Variants in ILRUN observed in about 807,000 individuals in gnomAD.
The protein encoded by ILRUN is inflammation and lipid regulator with UBA-like and NBR1-like domains, also known as protein ILRUN.
Under a neutral mutation model 33.8 loss-of-function variants are expected in ILRUN, and 3 were observed. The ratio of observed to expected loss-of-function variants is 0.09; its 90% confidence interval spans 0.04 to 0.23. The LOEUF is 0.23. ILRUN is among the 10% of genes least tolerant of loss of function. The probability of loss-of-function intolerance (pLI) is 1.00; values close to 1 mark genes in which losing one functional copy is unlikely to be tolerated. For missense variants in ILRUN, 210 were observed against 375.1 expected (o/e 0.56, Z 3.64); for synonymous variants, 124 against 138.9 (o/e 0.89, Z 0.75).
intron 3 of ILRUN, among the ~76,000 whole-genome samples, chr6:34,634,810 G>A (rs1222210447): frequency 6.6e-6 from 1 of 152,092 alleles, no homozygotes; most frequent in Non-Finnish European, 1.5e-5. Flanking sequence ...AACACCTCCA[G>A]GTTTGAATGG....
At chr6:34,669,338 A>T (rs1055495775) in intron 1 of ILRUN, among the ~76,000 whole-genome samples, 15 of 134,986 alleles carry the variant, frequency 1.1e-4, no homozygotes, top group African/African-American at 4.0e-4. Flanking sequence ...TTTATTGCCC[A>T]GGCTGGTCTC....
intron 1 of ILRUN, 97 bp downstream of exon 1, chr6:34,696,349 C>T (rs1763772828): frequency 7.4e-7 from 1 of 1,343,876 alleles, no homozygotes. Flanking sequence ...CCTCAGTACC[C>T]GCCTGGCTCG....
At chr6:34,668,713 G>A (rs1023517702) in intron 1 of ILRUN, among the ~76,000 whole-genome samples, 2 of 151,984 alleles carry the variant, frequency 1.3e-5, no homozygotes, top group South Asian at 2.1e-4. Flanking sequence ...TCACTCTGTC[G>A]CTGAGGCTGG....
chr6:34,695,323 T>C (rs1251514646), intron 1 of ILRUN, among the ~76,000 whole-genome samples: 4 of 152,152 alleles, frequency 2.6e-5, no homozygotes, highest in African/African-American at 4.8e-5. Context: ...CTTTTGCCTT[T>C]TGCCCAAAGA....
intron 4 of ILRUN, among the ~76,000 whole-genome samples, chr6:34,600,380 T>C (rs759359636): frequency 2.6e-5 from 4 of 152,236 alleles, no homozygotes; most frequent in Non-Finnish European, 5.9e-5. Context: ...GCCTAAAATA[T>C]TCTTTCTCCA....
intron 4 of ILRUN, among the ~76,000 whole-genome samples, chr6:34,603,699 C>T (rs1022871312): frequency 6.6e-6 from 1 of 152,186 alleles, no homozygotes; most frequent in Admixed American, 6.5e-5. Flanking sequence ...GACTGTATTG[C>T]TCTCTATTGA....
intron 3 of ILRUN, among the ~76,000 whole-genome samples, chr6:34,640,674 C>A (rs1478237777): frequency 6.6e-6 from 1 of 151,864 alleles, no homozygotes; most frequent in Non-Finnish European, 1.5e-5. Context: ...CACGCCACTG[C>A]ACTCCAGGCT....
intron 3 of ILRUN, among the ~76,000 whole-genome samples, chr6:34,611,875 T>C (rs766070236): frequency 3.2e-4 from 49 of 152,284 alleles, no homozygotes; most frequent in Non-Finnish European, 4.7e-4. Flanking sequence ...AACAGGAACA[T>C]AGGAACCCAA....
At chr6:34,678,279 G>A (rs1763281967) in intron 1 of ILRUN, among the ~76,000 whole-genome samples, 1 of 152,120 alleles carries the variant, frequency 6.6e-6, no homozygotes, top group African/African-American at 2.4e-5. Context: ...GACCTTGGGT[G>A]ATCCACCCGC....
At chr6:34,666,409 A>G (rs1197672969) in intron 1 of ILRUN, among the ~76,000 whole-genome samples, 1 of 152,054 alleles carries the variant, frequency 6.6e-6, no homozygotes, top group Non-Finnish European at 1.5e-5. Context: ...TAAAAATACA[A>G]AATTAGCCAG....
chr6:34,683,896 C>G (rs1474006299), intron 1 of ILRUN, among the ~76,000 whole-genome samples: 2 of 152,018 alleles, frequency 1.3e-5, no homozygotes, highest in African/African-American at 2.4e-5. Flanking sequence ...GACCCTGTCT[C>G]TACTAAAAAT....
intron 3 of ILRUN, among the ~76,000 whole-genome samples, chr6:34,621,163 C>T (rs2127339913): frequency 6.6e-6 from 1 of 152,334 alleles, no homozygotes. Context: ...AATTCTTCTT[C>T]TTCATTAATT....
chr6:34,653,970 C>CAAA (rs34498804), intron 2 of ILRUN, among the ~76,000 whole-genome samples: 1 of 81,044 alleles, frequency 1.2e-5, no homozygotes. Context: ...GATGCTGTCT[C>CAAA]AAAAAAAAAA....
At chr6:34,596,499 G>A (rs931214952) in intron 4 of ILRUN, among the ~76,000 whole-genome samples, 5 of 152,124 alleles carry the variant, frequency 3.3e-5, no homozygotes, top group African/African-American at 9.7e-5. Context: ...TTTTAGTAGA[G>A]ATGGGATTTC....
Position 34,646,683 on chromosome 6 carries a change from G to A in ILRUN, c.429C>T (p.Ser143=), listed in dbSNP as rs758473968. ...CTCTGCTGGGGCTGCACATCTGGACGCTGACATCTGCAATCTCTTGGGGCT... is the reference window on the plus strand; with the variant it reads ...CTCTGCTGGGGCTGCACATCTGGACACTGACATCTGCAATCTCTTGGGGCT... The part of the protein sequence containing the change: ...SLEPQEIADV[S]VQMCSPSRAG... The change falls in exon 3 of 5, where the codon AGC becomes AGT. Residue 143 remains serine (S), a synonymous_variant. Transcript: ENST00000374023. This position sits in a 1 kb window ranked among gnomAD's most constrained non-coding sequence, Gnocchi z 4.9. 3 of 1,614,118 alleles carry A rather than the reference G, an allele frequency of 1.9e-6. No individual in the cohort carries two copies. Among genetic ancestry groups the A allele is most frequent in the African/African-American group, 1.3e-5 (1 of 75,038 alleles).
At chr6:34,650,565 G>A (rs1459784958) in intron 2 of ILRUN, among the ~76,000 whole-genome samples, 1 of 151,842 alleles carries the variant, frequency 6.6e-6, no homozygotes, top group Non-Finnish European at 1.5e-5. Context: ...CGAATACGTG[G>A]GATTACAGGC....
chr6:34,676,261 T>C (rs1763227029), intron 1 of ILRUN, among the ~76,000 whole-genome samples: 1 of 151,438 alleles, frequency 6.6e-6, no homozygotes, highest in Admixed American at 6.6e-5. Flanking sequence ...ATGCTGGGCA[T>C]GGCAGCACAT....
intron 2 of ILRUN, among the ~76,000 whole-genome samples, chr6:34,647,968 G>A (rs989160522): frequency 1.3e-5 from 2 of 152,140 alleles, no homozygotes; most frequent in African/African-American, 4.8e-5. Context: ...CAAAGTGCTG[G>A]GATTACAGGC....
intron 1 of ILRUN, among the ~76,000 whole-genome samples, chr6:34,661,501 A>G (rs767464436): frequency 6.6e-6 from 1 of 152,210 alleles, no homozygotes; most frequent in Non-Finnish European, 1.5e-5. Context: ...TTTCTCTCAT[A>G]GTATCTGGTC....
Sources: allele counts gnomAD v4.1 joint callset (sites outside exome capture counted in the v4.1 genomes callset), GRCh38; gene constraint gnomAD v4.1.1; non-coding constraint Gnocchi (gnomAD v3.1); transcripts MANE v1.5; gene names NCBI Gene and HGNC (gene_info 2026-07-23, HGNC 2026-07-21).